HMCN1: variants seen among roughly 807,000 people sequenced by gnomAD.
HMCN1 encodes hemicentin-1.
HMCN1 carries 321 observed loss-of-function variants against 625.9 expected under a neutral mutation model. That is an observed-to-expected ratio of 0.51 (90% CI 0.47 to 0.56). The LOEUF (loss-of-function observed/expected upper bound fraction) is 0.56, where lower values mean the gene tolerates loss of function less well. Among genes scored for constraint, HMCN1 ranks in the 20% least tolerant of loss-of-function variants. The pLI is 0.00. For missense variants in HMCN1, 6,588 were observed against 6,887.3 expected (o/e 0.96, Z 1.54); for synonymous variants, 2,425 against 2,417.6 (o/e 1.00, Z -0.09).
chr1:185,807,908 T>C (rs1421123219), intron 1 of HMCN1, among the ~76,000 whole-genome samples: 2 of 152,200 alleles, frequency 1.3e-5, no homozygotes, highest in Non-Finnish European at 2.9e-5. Context: ...ATATTCTCTT[T>C]TTGAAATATT....
At chr1:186,072,319 T>A (rs1011141619) in intron 52 of HMCN1, among the ~76,000 whole-genome samples, 4 of 152,182 alleles carry the variant, frequency 2.6e-5, no homozygotes, top group Non-Finnish European at 5.9e-5. Flanking sequence ...TATTTATTCA[T>A]ACCCTGAAGT....
chr1:185,892,511 G>C (rs1160677192), intron 4 of HMCN1, among the ~76,000 whole-genome samples: 1 of 151,886 alleles, frequency 6.6e-6, no homozygotes, highest in Non-Finnish European at 1.5e-5. Flanking sequence ...CTTTCTGTCT[G>C]TTAGTTTTCC....
chr1:186,114,850 A>G lies in HMCN1; in HGVS notation c.11308A>G (p.Ile3770Val). The G allele has an allele frequency of 1.9e-6, 3 of 1,614,152 alleles. No homozygotes were observed. The highest frequency in any genetic ancestry group is 2.5e-6 in the Non-Finnish European group (3 of 1,179,970). ...YSILENGFLH[I>V]QSAHVTDTGR... ...CATCTTGGAAAATGGATTCCTTCAT[A>G]TTCAATCAGCACATGTCACTGACAC... is the stretch of plus-strand genomic sequence containing the variant. Residue 3770 changes from isoleucine (I) to valine (V), a missense_variant, in exon 74 of 107, where the codon ATT becomes GTT. Coordinates refer to ENST00000271588, the MANE Select transcript of HMCN1 (RefSeq NM_031935.3).
chr1:185,831,304 A>G (rs1660846069), intron 1 of HMCN1, among the ~76,000 whole-genome samples: 1 of 152,198 alleles, frequency 6.6e-6, no homozygotes, highest in African/African-American at 2.4e-5. Flanking sequence ...ATTAATATAT[A>G]TAAAAGGCAT....
rs369104616 is a variant in HMCN1 at position 185,949,861 on chromosome 1, G to A, written c.1829-12657G>A. Among the ~76,000 whole-genome samples the A allele has an allele frequency of 6.0e-3, 915 of 151,870 alleles. 10 individuals are homozygous for A. Among genetic ancestry groups the A allele is most frequent in the South Asian group, 0.037 (179 of 4,828 alleles). On this transcript the variant is annotated intron_variant, in intron 11 of 106. Coordinates refer to ENST00000271588, the MANE Select transcript of HMCN1 (RefSeq NM_031935.3). ...GCTTGATGTGTAGGGAAGGGAGGGG[G>A]CCTGAATAATCCCTGAGGAGTAGTA...
At chr1:185,936,515 G>A (rs528941628) in intron 11 of HMCN1, among the ~76,000 whole-genome samples, 1 of 152,154 alleles carries the variant, frequency 6.6e-6, no homozygotes, top group East Asian at 1.9e-4. Flanking sequence ...CTTTGTCCCT[G>A]TTTCGTAGTT....
intron 97 of HMCN1, among the ~76,000 whole-genome samples, chr1:186,160,038 A>T (rs1414181599): frequency 6.6e-6 from 1 of 151,138 alleles, no homozygotes; most frequent in Non-Finnish European, 1.5e-5. Context: ...TCGGCTGTGA[A>T]TCCATCTGGT....
At chr1:185,772,393 C>A (rs1340525461) in intron 1 of HMCN1, among the ~76,000 whole-genome samples, 1 of 152,100 alleles carries the variant, frequency 6.6e-6, no homozygotes, top group Non-Finnish European at 1.5e-5. Flanking sequence ...GAGAAGAGAA[C>A]AAATTCATGG....
At chr1:185,957,937 A>G (rs1183394770) in intron 11 of HMCN1, among the ~76,000 whole-genome samples, 1 of 152,172 alleles carries the variant, frequency 6.6e-6, no homozygotes, top group Non-Finnish European at 1.5e-5. Flanking sequence ...CATGGTAAGT[A>G]GCATGCTTTT....
intron 30 of HMCN1, among the ~76,000 whole-genome samples, chr1:186,012,390 T>C (rs192932356): frequency 6.6e-6 from 1 of 151,724 alleles, no homozygotes; most frequent in Non-Finnish European, 1.5e-5. Context: ...ATCCTTCAGG[T>C]TTTTTTTGGT....
intron 58 of HMCN1, 88 bp from the exon 59 acceptor site, chr1:186,087,129 G>C (rs1659546324): frequency 2.4e-6 from 2 of 817,626 alleles, no homozygotes; most frequent in African/African-American, 3.4e-5. Flanking sequence ...TAAGGGGAAG[G>C]ATATATGTTG....
At chr1:185,955,019 T>C (rs1027283715) in intron 11 of HMCN1, among the ~76,000 whole-genome samples, 1 of 152,134 alleles carries the variant, frequency 6.6e-6, no homozygotes, top group African/African-American at 2.4e-5. Flanking sequence ...TAAGGTCCCT[T>C]CCCCTTTTTC....
At chr1:185,830,449 T>A (rs559952483) in intron 1 of HMCN1, among the ~76,000 whole-genome samples, 1 of 152,306 alleles carries the variant, frequency 6.6e-6, no homozygotes, top group African/African-American at 2.4e-5. Flanking sequence ...AGGGGTTCAA[T>A]TTCAGTTTTC....
chr1:185,814,294 T>A (rs1221605722), intron 1 of HMCN1, among the ~76,000 whole-genome samples: 1 of 150,990 alleles, frequency 6.6e-6, no homozygotes. Context: ...TTCAAATAGA[T>A]TACATTTTTT....
Position 186,123,087 on chromosome 1 carries a change from T to C in HMCN1, c.12366T>C (p.Ser4122=), listed in dbSNP as rs761699019. The change falls in exon 81 of 107, where the codon TCT becomes TCC. Residue 4122 remains serine, a synonymous_variant. Transcript: ENST00000271588. ...WHKDGRAIVE[S]IRQRVLSSGS... is the part of the protein sequence containing the mutation. ...AAGATGGGCGTGCAATTGTGGAATC[T>C]ATCCGCCAGCGCGTCCTCAGCTCTG... The C allele has an allele frequency of 6.2e-7, 1 of 1,614,174 alleles. No homozygotes were observed. Among genetic ancestry groups the C allele is most frequent in the South Asian group, 1.1e-5 (1 of 91,084 alleles).
intron 95 of HMCN1, among the ~76,000 whole-genome samples, 157 bp downstream of exon 95, chr1:186,151,900 T>A (rs1650693131): frequency 6.6e-6 from 1 of 152,266 alleles, no homozygotes; most frequent in Non-Finnish European, 1.5e-5. Flanking sequence ...TGTAAACTTG[T>A]ACTAACATAA....
chr1:185,767,587 C>T (rs1342918042), intron 1 of HMCN1, among the ~76,000 whole-genome samples: 2 of 152,052 alleles, frequency 1.3e-5, no homozygotes, highest in South Asian at 2.1e-4. Context: ...GTTCAAGATT[C>T]GTAAAACTTA....
At chr1:186,080,668 T>C (rs1280125143) in intron 55 of HMCN1, among the ~76,000 whole-genome samples, 1 of 152,172 alleles carries the variant, frequency 6.6e-6, no homozygotes, top group East Asian at 1.9e-4. Flanking sequence ...AGAATTTGCA[T>C]TTTTAACCAA....
chr1:185,832,923 A>T (rs1282206428), intron 1 of HMCN1, among the ~76,000 whole-genome samples: 3 of 152,218 alleles, frequency 2.0e-5, no homozygotes, highest in Non-Finnish European at 4.4e-5. Context: ...CCAACAACCC[A>T]GTAAAAGTGG....
Sources: gnomAD v4.1 joint callset for allele counts (sites outside exome capture counted in the v4.1 genomes callset) on GRCh38, gnomAD v4.1.1 for gene constraint, MANE v1.5 for transcripts, NCBI Gene and HGNC (gene_info 2026-07-23, HGNC 2026-07-21) for gene names.